Variants in MACROD2 observed in about 807,000 individuals in gnomAD.
MACROD2 encodes the protein ADP-ribose glycohydrolase MACROD2.
A neutral mutation model predicts 70.4 loss-of-function variants in MACROD2; 36 were observed. The ratio of observed to expected loss-of-function variants is 0.51; its 90% CI spans 0.39 to 0.68. The LOEUF is 0.68. Among genes scored for constraint, MACROD2 ranks in the 30% least tolerant of loss-of-function variants. The probability of loss-of-function intolerance (pLI) is 0.00; values close to 1 mark genes in which losing one functional copy is unlikely to be tolerated. For missense variants in MACROD2, 496 were observed against 538.4 expected, an observed-to-expected ratio of 0.92 and a Z score of 0.78; for synonymous variants, 172 against 178.8, an observed-to-expected ratio of 0.96 and a Z score of 0.30.
At chr20:15,885,418 C>A (rs2064809673) in intron 9 of MACROD2, among the ~76,000 whole-genome samples, 1 of 152,158 alleles carries the variant, frequency 6.6e-6, no homozygotes, top group Non-Finnish European at 1.5e-5. Flanking sequence ...AAAGTTAGAA[C>A]ATGTGGCATT....
intron 5 of MACROD2, among the ~76,000 whole-genome samples, chr20:15,126,487 A>C (rs1352437231): frequency 6.6e-6 from 1 of 152,022 alleles, no homozygotes; most frequent in African/African-American, 2.4e-5. Context: ...GATTTAATAA[A>C]ATTTGCATTT....
At chr20:15,503,591 C>T (rs2047390618) in intron 8 of MACROD2, among the ~76,000 whole-genome samples, 1 of 152,226 alleles carries the variant, frequency 6.6e-6, no homozygotes, top group Non-Finnish European at 1.5e-5. Context: ...GAATCCCAAA[C>T]TATAAATCCA....
chr20:15,347,459 G>T (rs2078179106), intron 6 of MACROD2, among the ~76,000 whole-genome samples: 1 of 152,074 alleles, frequency 6.6e-6, no homozygotes, highest in Admixed American at 6.6e-5. Context: ...TATGTTTTGA[G>T]GATCCATATT....
intron 5 of MACROD2, among the ~76,000 whole-genome samples, chr20:15,130,663 G>A (rs1248551195): frequency 6.6e-6 from 1 of 152,060 alleles, no homozygotes; most frequent in East Asian, 1.9e-4. Context: ...AATAAACAAG[G>A]TTGTAATTGA....
At chr20:15,586,854 A>G (rs1012441546) in intron 8 of MACROD2, among the ~76,000 whole-genome samples, 4 of 152,200 alleles carry the variant, frequency 2.6e-5, no homozygotes, top group Non-Finnish European at 4.4e-5. Context: ...AATATATAAT[A>G]TACCAAAGAA....
chr20:15,933,322 G>A lies in MACROD2; in HGVS notation c.822G>A (p.Glu274=), dbSNP rs775712088. ...EEKQSVEEME[E]QSQDADGVNT... ...AGCAAAGTGTGGAAGAAATGGAAGA[G>A]CAGAGCCAAGATGCAGGTAGGCTCA... The change falls in exon 11 of 18, where the codon GAG becomes GAA. Residue 274 remains glutamate, a synonymous_variant. Coordinates refer to ENST00000684519, the MANE Select transcript of MACROD2 (RefSeq NM_001351661.2). The A allele has an allele frequency of 2.5e-6, 4 of 1,613,308 alleles. No homozygotes were observed. Among genetic ancestry groups the A allele is most frequent in the East Asian group, 4.5e-5 (2 of 44,834 alleles).
chr20:14,687,721 C>A (rs1411361654), intron 5 of MACROD2, among the ~76,000 whole-genome samples: 1 of 152,114 alleles, frequency 6.6e-6, no homozygotes, highest in Non-Finnish European at 1.5e-5. Context: ...AAAACTCATC[C>A]AATAGAATAG....
intron 5 of MACROD2, among the ~76,000 whole-genome samples, chr20:14,800,145 TCA>T (rs2072556850): frequency 7.3e-5 from 11 of 151,300 alleles, no homozygotes. Context: ...TTCTATGACT[TCA>T]GTTTTTTTTT....
intron 5 of MACROD2, among the ~76,000 whole-genome samples, chr20:14,775,186 A>G (rs1446175312): frequency 1.3e-5 from 2 of 152,014 alleles, no homozygotes; most frequent in African/African-American, 4.8e-5. Flanking sequence ...GCATGATCTC[A>G]TTTTTCCTTA....
chr20:14,003,605 A>T, intron 2 of MACROD2: 1 of 446,840 alleles, frequency 2.2e-6, no homozygotes, highest in Non-Finnish European at 4.4e-6. Context: ...AGCATCATGG[A>T]ACCCAAAGAT....
intron 8 of MACROD2, among the ~76,000 whole-genome samples, chr20:15,768,872 C>A (rs141546330): frequency 1.3e-5 from 2 of 152,108 alleles, no homozygotes; most frequent in Non-Finnish European, 2.9e-5. Context: ...AAAATACACA[C>A]GTTACCCTGG....
At chr20:15,831,097 T>C (rs2064051210) in intron 8 of MACROD2, among the ~76,000 whole-genome samples, 1 of 152,198 alleles carries the variant, frequency 6.6e-6, no homozygotes, top group Non-Finnish European at 1.5e-5. Context: ...AAGCCAGTCA[T>C]GAATGCCCTT....
chr20:15,784,522 G>A (rs764140), intron 8 of MACROD2, among the ~76,000 whole-genome samples: 33,312 of 152,022 alleles, frequency 0.22, 3,695 homozygotes, highest in African/African-American at 0.23. Context: ...TCAAAGGGCT[G>A]CACAAGAGCT....
intron 3 of MACROD2, among the ~76,000 whole-genome samples, chr20:14,375,624 G>C (rs912536426): frequency 1.3e-5 from 2 of 152,176 alleles, no homozygotes; most frequent in Non-Finnish European, 2.9e-5. Context: ...CTGGGAGGAG[G>C]AAATAAGTCC....
rs539888312 is a variant in MACROD2, at chr20:15,064,174, A to G, written c.419-165766A>G. Among the ~76,000 whole-genome samples the G allele has an allele frequency of 6.6e-4, 101 of 152,158 alleles. 1 individual carries two copies. The highest frequency in any genetic ancestry group is 3.4e-3 in the Middle Eastern group (1 of 294). On this transcript the variant is annotated intron_variant, in intron 5 of 17. Coordinates refer to ENST00000684519, the MANE Select transcript of MACROD2 (RefSeq NM_001351661.2). ...GCATGTGTTAAATACATAGGAGGGG[A>G]CCAATCTGAGTTGGTACGTGACCCC...
intron 8 of MACROD2, among the ~76,000 whole-genome samples, chr20:15,813,775 C>T (rs1677912172): frequency 6.6e-6 from 1 of 152,020 alleles, no homozygotes. Flanking sequence ...GGAGAGATCC[C>T]CGTCTCAAAA....
At chr20:14,205,488 G>A (rs990735143) in intron 3 of MACROD2, among the ~76,000 whole-genome samples, 1 of 152,176 alleles carries the variant, frequency 6.6e-6, no homozygotes, top group Non-Finnish European at 1.5e-5. Context: ...TTCCCTATTT[G>A]TATAAGGTGC....
At chr20:14,089,421 C>G (rs1231755104) in intron 3 of MACROD2, among the ~76,000 whole-genome samples, 1 of 152,226 alleles carries the variant, frequency 6.6e-6, no homozygotes, top group Non-Finnish European at 1.5e-5. Context: ...TATGCCAAAG[C>G]AGCCCAGTTG....
chr20:14,766,780 C>T (rs1283299151), intron 5 of MACROD2, among the ~76,000 whole-genome samples: 2 of 152,080 alleles, frequency 1.3e-5, no homozygotes, highest in East Asian at 1.9e-4. Context: ...ATTTATCAGT[C>T]CAGGTAAGGA....
Sources: gnomAD v4.1 joint callset for allele counts (sites outside exome capture counted in the v4.1 genomes callset) on GRCh38, gnomAD v4.1.1 for gene constraint, MANE v1.5 for transcripts, NCBI Gene and HGNC (gene_info 2026-07-23, HGNC 2026-07-21) for gene names.